The following STXBP6 variants were observed in gnomAD, a reference collection of about 807,000 sequenced individuals.
STXBP6 encodes the protein syntaxin-binding protein 6.
STXBP6 carries 21 observed loss-of-function variants against 26.9 expected under a neutral mutation model. The ratio of observed to expected loss-of-function variants is 0.78; its 90% CI spans 0.55 to 1.12. STXBP6 has a LOEUF of 1.12. Among genes scored for constraint, STXBP6 ranks in the 50% most tolerant of loss-of-function variants. The pLI, the probability that STXBP6 is intolerant of heterozygous loss-of-function variation, is 0.00. For missense variants in STXBP6, 232 were observed against 257.9 expected (o/e 0.90, Z 0.69); for synonymous variants, 97 against 92.6 (o/e 1.05, Z -0.27).
At chr14:24,973,310 T>C (rs1483812575) in intron 2 of STXBP6, among the ~76,000 whole-genome samples, 1 of 152,086 alleles carries the variant, frequency 6.6e-6, no homozygotes, top group Non-Finnish European at 1.5e-5. Flanking sequence ...CTAATCCTTA[T>C]TTGGAATAAA....
chr14:25,022,363 C>T (rs2075276076), intron 1 of STXBP6, among the ~76,000 whole-genome samples: 2 of 152,166 alleles, frequency 1.3e-5, no homozygotes, highest in Admixed American at 6.5e-5. Context: ...TCCTAGAGTT[C>T]CCCCATAGGC....
At chr14:25,048,092 C>T (rs570818695) in intron 1 of STXBP6, among the ~76,000 whole-genome samples, 1 of 152,284 alleles carries the variant, frequency 6.6e-6, no homozygotes, top group South Asian at 2.1e-4. Flanking sequence ...TAAACAGATG[C>T]TTCCAAAGGC....
chr14:24,889,555 A>G (rs1483745132), intron 2 of STXBP6, among the ~76,000 whole-genome samples: 1 of 140,564 alleles, frequency 7.1e-6, no homozygotes, highest in African/African-American at 2.6e-5. Flanking sequence ...CCCTAAACTT[A>G]AAGTATAATA....
At chr14:24,880,246 A>G (rs2070306830) in intron 2 of STXBP6, among the ~76,000 whole-genome samples, 1 of 152,226 alleles carries the variant, frequency 6.6e-6, no homozygotes, top group South Asian at 2.1e-4. Context: ...TTAGTTAGGC[A>G]CCACTAGGAA....
At chr14:24,892,344 A>G (rs2070821883) in intron 2 of STXBP6, among the ~76,000 whole-genome samples, 1 of 152,146 alleles carries the variant, frequency 6.6e-6, no homozygotes. Flanking sequence ...TTTAGGTGGA[A>G]GTATTTATTT....
intron 1 of STXBP6, among the ~76,000 whole-genome samples, chr14:25,004,098 G>T (rs561138999): frequency 6.6e-5 from 10 of 152,298 alleles, no homozygotes; most frequent in Non-Finnish European, 1.5e-4. Flanking sequence ...GAGCGAATGT[G>T]AGTGATCGTG....
intron 2 of STXBP6, among the ~76,000 whole-genome samples, chr14:24,946,012 A>T (rs781537830): frequency 6.6e-6 from 1 of 152,226 alleles, no homozygotes; most frequent in Admixed American, 6.5e-5. Context: ...CGAGACATAC[A>T]CCTTCTTAGA....
intron 1 of STXBP6, among the ~76,000 whole-genome samples, chr14:24,999,074 T>C (rs745395871): frequency 6.6e-6 from 1 of 152,296 alleles, no homozygotes; most frequent in Middle Eastern, 3.4e-3. Flanking sequence ...TATGGTCCAA[T>C]AAACCAACTG....
At chr14:25,035,824 T>C (rs201745149) in intron 1 of STXBP6, among the ~76,000 whole-genome samples, 1 of 152,220 alleles carries the variant, frequency 6.6e-6, no homozygotes, top group Admixed American at 6.5e-5. Context: ...TGCAGGATTA[T>C]AGGTGTTAAA....
Position 24,834,883 on chromosome 14 carries a change from C to T in STXBP6, c.452-15689G>A, listed in dbSNP as rs986431351. Among the ~76,000 whole-genome samples the T allele has an allele frequency of 5.3e-5, 8 of 152,264 alleles. 2 individuals carry two copies. The highest frequency in any genetic ancestry group is 3.9e-4 in the Admixed American group (6 of 15,300). ...GATGATAAGATCAGATTCAAGTTAT[C>T]TGATTTGAGACTGGGAATTTCAAAA... On this transcript the variant is annotated intron_variant, in intron 4 of 5. Transcript: ENST00000323944.
At chr14:24,962,335 A>T in intron 2 of STXBP6, among the ~76,000 whole-genome samples, 1 of 121,904 alleles carries the variant, frequency 8.2e-6, no homozygotes, top group African/African-American at 3.4e-5. Context: ...TTATTTATTT[A>T]TTTATTATTT....
intron 1 of STXBP6, among the ~76,000 whole-genome samples, chr14:25,030,594 A>G (rs2075435354): frequency 6.6e-6 from 1 of 152,152 alleles, no homozygotes; most frequent in African/African-American, 2.4e-5. Context: ...ACTGATTTTA[A>G]ACAGACAGAT....
chr14:24,877,423 C>T (rs759598280), intron 2 of STXBP6, among the ~76,000 whole-genome samples: 11 of 152,122 alleles, frequency 7.2e-5, no homozygotes, highest in Non-Finnish European at 1.5e-4. Flanking sequence ...TCCTGTATAC[C>T]TTTAGATAAT....
chr14:24,905,266 C>T (rs2071348953), intron 2 of STXBP6, among the ~76,000 whole-genome samples: 1 of 152,136 alleles, frequency 6.6e-6, no homozygotes, highest in Non-Finnish European at 1.5e-5. Flanking sequence ...CTCAGGATGG[C>T]CTTTACACAA....
At chr14:25,032,147 C>T (rs1177758128) in intron 1 of STXBP6, among the ~76,000 whole-genome samples, 3 of 152,074 alleles carry the variant, frequency 2.0e-5, no homozygotes, top group Non-Finnish European at 4.4e-5. Context: ...ACAGACTGAC[C>T]AGCCACTTTG....
intron 2 of STXBP6, among the ~76,000 whole-genome samples, chr14:24,909,518 T>C (rs1433664359): frequency 6.6e-6 from 1 of 152,070 alleles, no homozygotes; most frequent in Non-Finnish European, 1.5e-5. Context: ...TGGTGGTTCG[T>C]GCCTGTAATC....
intron 1 of STXBP6, among the ~76,000 whole-genome samples, chr14:25,014,587 C>A (rs1595318742): frequency 6.6e-6 from 1 of 152,206 alleles, no homozygotes; most frequent in African/African-American, 2.4e-5. Flanking sequence ...ACTCAGCTAC[C>A]GTGCAAGGCA....
intron 1 of STXBP6, among the ~76,000 whole-genome samples, chr14:25,024,327 G>A (rs2075310910): frequency 6.6e-6 from 1 of 151,686 alleles, no homozygotes; most frequent in Admixed American, 6.6e-5. Flanking sequence ...AAAAAATTTT[G>A]TTTTCAGTTA....
chr14:24,993,973 G>A lies in STXBP6; in HGVS notation c.-32-19123C>T, dbSNP rs565960741. 1.3e-3 allele frequency among the ~76,000 whole-genome samples: 195 copies of A among 152,268 alleles called. 1 individual carries two copies. The highest frequency in any genetic ancestry group is 4.5e-3 in the African/African-American group (185 of 41,546). On this transcript the variant is annotated intron_variant, in intron 1 of 5. Coordinates refer to ENST00000323944, the MANE Select transcript of STXBP6 (RefSeq NM_001394410.1). ...CCCTCTTGTCCCTCCCAGCTGCAGGGATGGCAGCTGCTTCCTGGAGTTACC... is the reference window on the plus strand; with the variant it reads ...CCCTCTTGTCCCTCCCAGCTGCAGGAATGGCAGCTGCTTCCTGGAGTTACC...
Sources: gnomAD v4.1 joint callset for allele counts (sites outside exome capture counted in the v4.1 genomes callset) on GRCh38, gnomAD v4.1.1 for gene constraint, MANE v1.5 for transcripts, NCBI Gene and HGNC (gene_info 2026-07-23, HGNC 2026-07-21) for gene names.